The following MCAM variants were observed in gnomAD, a reference collection of about 807,000 sequenced individuals.
The protein encoded by MCAM is melanoma cell adhesion molecule.
Under a neutral mutation model 79.1 loss-of-function variants are expected in MCAM, and 55 were observed. The observed-to-expected ratio is 0.70, with a 90% CI of 0.56 to 0.87. The LOEUF is 0.87. Among genes scored for constraint, MCAM ranks in the 40% least tolerant of loss-of-function variants. The probability of loss-of-function intolerance (pLI) is 0.00; values close to 1 mark genes in which losing one functional copy is unlikely to be tolerated. For missense variants in MCAM, 745 were observed against 839.8 expected (o/e 0.89, Z 1.40); for synonymous variants, 330 against 339.8 (o/e 0.97, Z 0.32).
At position 119,311,240 on chromosome 11, in the gene MCAM, G is replaced by A. The variant is rs1950229483; in HGVS notation, c.1549+40C>T. 1 of 1,613,220 alleles carries A rather than the reference G, an allele frequency of 6.2e-7. No homozygotes were observed. Among genetic ancestry groups the A allele is most frequent in the African/African-American group, 1.3e-5 (1 of 75,010 alleles). ...AAGCGCAAGTTACTGCCCGTGCCTG[G>A]GCCTGCCCCTGCCATCCCCTGCAGG... On this transcript the variant is annotated intron_variant, in intron 12 of 15. Coordinates refer to ENST00000264036, the MANE Select transcript of MCAM (RefSeq NM_006500.3). The surrounding 1 kb of genome is among the most constrained non-coding windows in gnomAD (Gnocchi z 4.4).
At position 119,310,354 on chromosome 11, in the gene MCAM, C is replaced by G. The variant is rs1460651641; in HGVS notation, c.1906G>C (p.Asp636His). 6.2e-7 allele frequency: 1 copy of G among 1,610,246 alleles called. No homozygotes were observed. The highest frequency in any genetic ancestry group is 1.7e-5 in the Admixed American group (1 of 60,000). The change falls in exon 15 of 16, where the codon GAC becomes CAC. Residue 636 changes from aspartate (D) to histidine (H), a missense_variant. By Grantham distance (81) the Asp-to-His change is moderately conservative. Coordinates refer to ENST00000264036, the MANE Select transcript of MCAM (RefSeq NM_006500.3). The stretch of plus-strand genomic sequence containing the variant: ...CCACAGGAACCGCCTCCTACCTGGT[C>G]TCCCGGAGCCCTCTTGTCACCGCTG... ...GSSGDKRAPG[D>H]QGEKYIDLRH
Position 119,312,326 on chromosome 11 carries a change from C to T in MCAM, c.964G>A (p.Gly322Ser). ...GATATCATGGTGTCCAAGTCCAGGC[C>T]CTGACATTCATAGCGCCCACTGTGT... ...KEHSGRYECQ[G>S]LDLDTMISLL... Residue 322 changes from glycine to serine, a missense_variant, in exon 8 of 16, where the codon GGC becomes AGC. Gly to Ser is a moderately conservative substitution (Grantham distance 56, BLOSUM62 0). Transcript: ENST00000264036. This position sits in a 1 kb window ranked among gnomAD's most constrained non-coding sequence, Gnocchi z 4.9. 2 of 1,614,064 alleles carry T rather than the reference C, an allele frequency of 1.2e-6. No individual in the cohort carries two copies. The highest frequency in any genetic ancestry group is 1.7e-6 in the Non-Finnish European group (2 of 1,180,008).
In MCAM at chr11:119,311,845, G is replaced by T. The variant is rs1411337531; in HGVS notation, c.1248C>A (p.Gly416=). The change falls in exon 10 of 16, where the codon GGC becomes GGA. Residue 416 remains glycine (G), a synonymous_variant. Transcript: ENST00000264036. This position sits in a 1 kb window ranked among gnomAD's most constrained non-coding sequence, Gnocchi z 4.4. ...CGTTGACCAGCTGTGTGCGGTTCAGGCCGGGTATGCTGGGCACAGACGCCA... is the reference window on the plus strand; with the variant it reads ...CGTTGACCAGCTGTGTGCGGTTCAGTCCGGGTATGCTGGGCACAGACGCCA... The part of the protein sequence containing the change: ...RCVASVPSIP[G]LNRTQLVNVA... 1 of 1,614,136 alleles carries T rather than the reference G, an allele frequency of 6.2e-7. No individual in the cohort carries two copies. The highest frequency in any genetic ancestry group is 8.5e-7 in the Non-Finnish European group (1 of 1,180,026).
chr11:119,312,417 G>A lies in MCAM; in HGVS notation c.873C>T (p.Thr291=), dbSNP rs762516428. Residue 291 remains threonine, a synonymous_variant, in exon 8 of 16, where the codon ACC becomes ACT. Coordinates refer to ENST00000264036, the MANE Select transcript of MCAM (RefSeq NM_006500.3). This position sits in a 1 kb window ranked among gnomAD's most constrained non-coding sequence, Gnocchi z 4.9. ...HFSISKQNPS[T]REAEEETTND... ...TGGTTGTCTCTTCCTCTGCCTCCCT[G>A]GTGCTGGGGTTCTAGGGAGGATTGG... is the stretch of plus-strand genomic sequence containing the variant. The A allele has an allele frequency of 6.8e-6, 11 of 1,613,848 alleles. No homozygotes were observed. Among genetic ancestry groups the A allele is most frequent in the Non-Finnish European group, 7.6e-6 (9 of 1,179,974 alleles).
rs748524620 is a variant in MCAM at position 119,315,192 on chromosome 11, T to C, written c.139A>G (p.Lys47Glu). 1 of 1,613,174 alleles carries C rather than the reference T, an allele frequency of 6.2e-7. No homozygotes were observed. ...CCTTGGGACTGGGAGAGGCCGCACTTCAGAAGGGCTGTGCTGCCCACTTCC... is the reference window on the plus strand; with the variant it reads ...CCTTGGGACTGGGAGAGGCCGCACTCCAGAAGGGCTGTGCTGCCCACTTCC... ...EVEVGSTALL[K>E]CGLSQSQGNL... The change falls in exon 2 of 16, where the codon AAG becomes GAG. Residue 47 changes from lysine to glutamate, a missense_variant. Transcript: ENST00000264036. The surrounding 1 kb of genome is among the most constrained non-coding windows in gnomAD (Gnocchi z 4.4).
At position 119,315,563 on chromosome 11, in the gene MCAM, A is replaced by T. The variant is rs1429478066; in HGVS notation, c.68-300T>A. On this transcript the variant is annotated intron_variant, in intron 1 of 15. Transcript: ENST00000264036. The surrounding 1 kb of genome is among the most constrained non-coding windows in gnomAD (Gnocchi z 4.4). Reference sequence around the variant, plus strand: ...GCAACCTAGGCTCGGGGCCAAGAGGAAGGCCCCTTTCCTTCCAGGCCCCCT... The same window carrying T: ...GCAACCTAGGCTCGGGGCCAAGAGGTAGGCCCCTTTCCTTCCAGGCCCCCT... 2.5e-6 allele frequency: 1 copy of T among 399,864 alleles called. No homozygotes were observed. The highest frequency in any genetic ancestry group is 4.7e-6 in the Non-Finnish European group (1 of 212,722). 24.8% of individuals were successfully genotyped at this position (399,864 alleles called of 1,614,324 possible). A position where few individuals can be genotyped will look rare whatever the true frequency, so the allele number is the denominator to read the frequency against.
Position 119,311,420 on chromosome 11 carries a change from G to C in MCAM, c.1409C>G (p.Ala470Gly). 1 of 1,614,110 alleles carries C rather than the reference G, an allele frequency of 6.2e-7. No individual in the cohort carries two copies. Among genetic ancestry groups the C allele is most frequent in the Non-Finnish European group, 8.5e-7 (1 of 1,179,976 alleles). ...CTGTGGATCTTGGTCTTGTTCACTTGCCTGCGAGGAAAGGAAGGAGGCAGC... is the reference window on the plus strand; with the variant it reads ...CTGTGGATCTTGGTCTTGTTCACTTCCCTGCGAGGAAAGGAAGGAGGCAGC... ...PTISWNVNGT[A>G]SEQDQDPQRV... is the part of the protein sequence containing the mutation. Residue 470 changes from alanine to glycine, a missense_variant and splice_region_variant, in exon 12 of 16, where the codon GCA (alanine) becomes GGA (glycine). Physicochemically the swap from Ala to Gly is moderately conservative, Grantham distance 60. Coordinates refer to ENST00000264036, the MANE Select transcript of MCAM (RefSeq NM_006500.3). The surrounding 1 kb of genome is among the most constrained non-coding windows in gnomAD (Gnocchi z 4.4).
rs1950242101 is a variant in MCAM at position 119,312,060 on chromosome 11, T to C, written c.1135A>G (p.Arg379Gly). Residue 379 changes from arginine to glycine, a missense_variant, in exon 9 of 16, where the codon AGA becomes GGA. Physicochemically the swap from Arg to Gly is moderately radical, Grantham distance 125. Transcript: ENST00000264036. This position sits in a 1 kb window ranked among gnomAD's most constrained non-coding sequence, Gnocchi z 4.9. ...SSQDLEFQWL[R>G]EETGQVLERG... Reference sequence around the variant, plus strand: ...CAGACCCGCCTGGGTACCTCTTCTCTCAGCCACTGGAACTCGAGGTCCTGG... The same window carrying C: ...CAGACCCGCCTGGGTACCTCTTCTCCCAGCCACTGGAACTCGAGGTCCTGG... 1 of 1,603,604 alleles carries C rather than the reference T, an allele frequency of 6.2e-7. No individual in the cohort carries two copies. The highest frequency in any genetic ancestry group is 8.5e-7 in the Non-Finnish European group (1 of 1,174,836).
Position 119,309,706 on chromosome 11 carries a change from G to A in MCAM, c.*180C>T, listed in dbSNP as rs376655772. On this transcript the variant is annotated 3_prime_UTR_variant, in exon 16 of 16. Transcript: ENST00000264036. ...GGTGGTGGACTGGTCCCTGAAAAGC[G>A]GGCCTTGCAGGGCCAAGTGAGGTCC... 33 of 624,700 alleles carry A rather than the reference G, an allele frequency of 5.3e-5. No individual in the cohort carries two copies. The Middle Eastern group carries it at 3.0e-3, about 58-fold the overall frequency. The allele number at this position is 624,700 out of a possible 1,614,324, so 38.7% of individuals were successfully genotyped here.
At position 119,310,365 on chromosome 11, in the gene MCAM, C is replaced by T. The variant is rs142651763; in HGVS notation, c.1895G>A (p.Arg632Lys). The T allele has an allele frequency of 6.8e-6, 11 of 1,613,240 alleles. No individual in the cohort carries two copies. Among genetic ancestry groups the T allele is most frequent in the African/African-American group, 5.3e-5 (4 of 74,908 alleles). Residue 632 changes from arginine (R) to lysine (K), a missense_variant, in exon 15 of 16, where the codon AGG becomes AAG. Arg to Lys is a conservative substitution (Grantham distance 26, BLOSUM62 2). Transcript: ENST00000264036. ...GCCTCCTACCTGGTCTCCCGGAGCC[C>T]TCTTGTCACCGCTGCTGCCCTGCAG... ...GLLQGSSGDK[R>K]APGDQGEKYI...
Position 119,315,208 on chromosome 11 carries a change from G to A in MCAM, c.123C>T (p.Gly41=). Residue 41 remains glycine, a synonymous_variant, in exon 2 of 16, where the codon GGC becomes GGT. Transcript: ENST00000264036. The surrounding 1 kb of genome is among the most constrained non-coding windows in gnomAD (Gnocchi z 4.4). ...GGCCGCACTTCAGAAGGGCTGTGCTGCCCACTTCCACCTCCACCAGCTCAG... is the reference window on the plus strand; with the variant it reads ...GGCCGCACTTCAGAAGGGCTGTGCTACCCACTTCCACCTCCACCAGCTCAG... ...PAPELVEVEV[G]STALLKCGLS... The A allele has an allele frequency of 6.2e-7, 1 of 1,612,952 alleles. No individual in the cohort carries two copies. The highest frequency in any genetic ancestry group is 8.5e-7 in the Non-Finnish European group (1 of 1,179,970).
chr11:119,313,919 G>A (rs1403340011), intron 5 of MCAM: 4 of 939,266 alleles, frequency 4.3e-6, no homozygotes, highest in Non-Finnish European at 3.8e-6. Flanking sequence ...ATAAAACACA[G>A]AAGCCTATAT....
In MCAM at chr11:119,312,075, C is replaced by T. The variant is rs149271449; in HGVS notation, c.1120G>A (p.Glu374Lys). The change falls in exon 9 of 16, where the codon GAG becomes AAG. Residue 374 changes from glutamate (E) to lysine (K), a missense_variant. By Grantham distance (56) the Glu-to-Lys change is moderately conservative (BLOSUM62 1). Coordinates refer to ENST00000264036, the MANE Select transcript of MCAM (RefSeq NM_006500.3). The surrounding 1 kb of genome is among the most constrained non-coding windows in gnomAD (Gnocchi z 4.9). The part of the protein sequence containing the change: ...TCEAESSQDL[E>K]FQWLREETGQ... ...ACCTCTTCTCTCAGCCACTGGAACT[C>T]GAGGTCCTGGCTACTCTCTGCCTCA... 2.5e-4 allele frequency: 406 copies of T among 1,611,782 alleles called. 1 individual carries two copies. The highest frequency in any genetic ancestry group is 3.2e-4 in the Non-Finnish European group (378 of 1,178,794).
At position 119,312,367 on chromosome 11, in the gene MCAM, T is replaced by A; in HGVS notation, c.923A>T (p.Glu308Val). The change falls in exon 8 of 16, where the codon GAG becomes GTG. Residue 308 changes from glutamate to valine, a missense_variant. Glu to Val is a moderately radical substitution (Grantham distance 121, BLOSUM62 -2). Transcript: ENST00000264036. The surrounding 1 kb of genome is among the most constrained non-coding windows in gnomAD (Gnocchi z 4.9). ...TTNDNGVLVL[E>V]PARKEHSGRY... Reference sequence around the variant, plus strand: ...CCCACTGTGTTCCTTCCGGGCAGGCTCCAGCACCAGGACCCCGTTGTCGTT... The same window carrying A: ...CCCACTGTGTTCCTTCCGGGCAGGCACCAGCACCAGGACCCCGTTGTCGTT... The A allele has an allele frequency of 1.9e-6, 3 of 1,614,038 alleles. No individual in the cohort carries two copies. The highest frequency in any genetic ancestry group is 2.5e-6 in the Non-Finnish European group (3 of 1,179,998).
Position 119,312,967 on chromosome 11 carries a change from G to A in MCAM, c.560-18C>T. On this transcript the variant is annotated intron_variant, in intron 5 of 15. Coordinates refer to ENST00000264036, the MANE Select transcript of MCAM (RefSeq NM_006500.3). The surrounding 1 kb of genome is among the most constrained non-coding windows in gnomAD (Gnocchi z 4.9). Reference sequence around the variant, plus strand: ...GTGGACCCCTGGGCAGGGAGGAAGGGGAGGAAGACTCAGCCTCAGCCCCAC... The same window carrying A: ...GTGGACCCCTGGGCAGGGAGGAAGGAGAGGAAGACTCAGCCTCAGCCCCAC... 6.2e-7 allele frequency: 1 copy of A among 1,613,838 alleles called. No individual in the cohort carries two copies. Among genetic ancestry groups the A allele is most frequent in the Non-Finnish European group, 8.5e-7 (1 of 1,180,012 alleles).
At position 119,312,919 on chromosome 11, in the gene MCAM, T is replaced by C. The variant is rs1950255510; in HGVS notation, c.590A>G (p.Glu197Gly). The C allele has an allele frequency of 6.2e-7, 1 of 1,613,958 alleles. No homozygotes were observed. The highest frequency in any genetic ancestry group is 1.3e-5 in the African/African-American group (1 of 74,904). Residue 197 changes from glutamate (E) to glycine (G), a missense_variant, in exon 6 of 16, where the codon GAG becomes GGG. By Grantham distance (98) the Glu-to-Gly change is moderately conservative. Transcript: ENST00000264036. The surrounding 1 kb of genome is among the most constrained non-coding windows in gnomAD (Gnocchi z 4.9). Reference sequence around the variant, plus strand: ...CTGCAAGGTGTACAAACCACTCGACTCCACAGTCTGGGACGACTGAATGTG... The same window carrying C: ...CTGCAAGGTGTACAAACCACTCGACCCCACAGTCTGGGACGACTGAATGTG... ...RVHIQSSQTV[E>G]SSGLYTLQSI...
chr11:119,313,883 CT>C, intron 5 of MCAM: 1 of 880,100 alleles, frequency 1.1e-6, no homozygotes, highest in Non-Finnish European at 1.4e-6. Context: ...AAAATCACCC[CT>C]GGTTAAGAAT....
chr11:119,310,227 C>A, intron 15 of MCAM, 122 bp downstream of exon 15: 1 of 752,968 alleles, frequency 1.3e-6, no homozygotes, highest in Non-Finnish European at 2.3e-6. Context: ...GTTAAGAAGG[C>A]AAGATGGGGC....
chr11:119,314,781 G>T, intron 3 of MCAM, 32 bp from the exon 4 acceptor site: 1 of 1,612,768 alleles, frequency 6.2e-7, no homozygotes, highest in South Asian at 1.1e-5. Context: ...GGGGACATCT[G>T]GCCACGTCCC....
Sources: gnomAD v4.1 joint callset for allele counts on GRCh38, gnomAD v4.1.1 for gene constraint, Gnocchi (gnomAD v3.1) non-coding constraint, MANE v1.5 for transcripts, NCBI Gene and HGNC (gene_info 2026-07-23, HGNC 2026-07-21) for gene names.